Variants in NPC1 observed in about 807,000 individuals in gnomAD.
The protein encoded by NPC1 is Niemann-Pick C1 protein.
Under a neutral mutation model 140.4 loss-of-function variants are expected in NPC1, and 85 were observed. The observed-to-expected ratio is 0.61, with a 90% CI of 0.51 to 0.72. The LOEUF is 0.72. NPC1 is among the 30% of genes least tolerant of loss of function. The pLI is 0.00. For synonymous variants in NPC1, 656 were observed against 624.8 expected, an observed-to-expected ratio of 1.05 and a Z score of -0.74; for missense variants, 1,504 against 1,623.8, an observed-to-expected ratio of 0.93 and a Z score of 1.27.
chr18:23,544,334 G>T lies in NPC1; in HGVS notation c.2130+10C>A, dbSNP rs776389852. On this transcript the variant is annotated intron_variant, in intron 13 of 24. Coordinates refer to ENST00000269228, the MANE Select transcript of NPC1 (RefSeq NM_000271.5). ...CAGATGCTGAGCCCTGTGAGAATAT[G>T]GAAGTATACCTGGTAGGCCTGCACC... 3.7e-6 allele frequency: 6 copies of T among 1,613,438 alleles called. No homozygotes were observed. The highest frequency in any genetic ancestry group is 5.1e-6 in the Non-Finnish European group (6 of 1,179,622).
At chr18:23,550,768 G>A (rs1366759050) in intron 10 of NPC1, among the ~76,000 whole-genome samples, 1 of 152,092 alleles carries the variant, frequency 6.6e-6, no homozygotes, top group Non-Finnish European at 1.5e-5. Flanking sequence ...TTACAGGCGT[G>A]AGCCACCACG....
At position 23,556,615 on chromosome 18, in the gene NPC1, T is replaced by C. The variant is rs1473909084; in HGVS notation, c.956-2A>G. ...CAGGGTCACAGCAGGACGCCTCTCC[T>C]GGAAGAACGGGAGAGGAAGGGAAGG... On this transcript the variant is annotated splice_acceptor_variant, in intron 7 of 24. Coordinates refer to ENST00000269228, the MANE Select transcript of NPC1 (RefSeq NM_000271.5). LOFTEE classifies it high-confidence loss of function. 9 of 1,613,756 alleles carry C rather than the reference T, an allele frequency of 5.6e-6. No homozygotes were observed. Among genetic ancestry groups the C allele is most frequent in the Non-Finnish European group, 6.8e-6 (8 of 1,179,924 alleles).
chr18:23,518,746 C>A, downstream of NPC1: 1 of 652,276 alleles, frequency 1.5e-6, no homozygotes, highest in Non-Finnish European at 2.6e-6. Context: ...CTTTGAGTAA[C>A]TGCATGTTTC....
At chr18:23,567,689 C>T (rs2059145697) in intron 4 of NPC1, among the ~76,000 whole-genome samples, 1 of 152,172 alleles carries the variant, frequency 6.6e-6, no homozygotes, top group Non-Finnish European at 1.5e-5. Context: ...TTCTCTAAGG[C>T]AGGCATCTAT....
At chr18:23,555,274 G>A (rs545101688) in intron 8 of NPC1, among the ~76,000 whole-genome samples, 38 of 152,378 alleles carry the variant, frequency 2.5e-4, no homozygotes, top group African/African-American at 8.9e-4. Context: ...CCCCTCCACC[G>A]TTCTCCAGTG....
At chr18:23,544,028 C>G (rs940665437) in intron 13 of NPC1, among the ~76,000 whole-genome samples, 1 of 152,162 alleles carries the variant, frequency 6.6e-6, no homozygotes, top group African/African-American at 2.4e-5. Flanking sequence ...TACCCAAAAT[C>G]TTTTCCAAAA....
At chr18:23,535,969 T>G (rs1471790388) in intron 21 of NPC1, among the ~76,000 whole-genome samples, 3 of 152,056 alleles carry the variant, frequency 2.0e-5, no homozygotes. Context: ...TTTATAGACA[T>G]TTACAGAGAG....
chr18:23,515,940 G>A, intron 3 of NPC1: 3 of 1,614,152 alleles, frequency 1.9e-6, no homozygotes, highest in Non-Finnish European at 2.5e-6. Context: ...CGAGAGCGCC[G>A]TGATCTTGCT....
At chr18:23,522,365 A>G (rs1471274271) in exon 2 of NPC1, 1 of 152,180 alleles carries the variant, frequency 6.6e-6, no homozygotes, top group Admixed American at 6.5e-5. Flanking sequence ...AAAACTAAAC[A>G]TTTAGAACAA....
intron 3 of NPC1, chr18:23,516,353 A>G (rs2058004268): frequency 6.2e-7 from 1 of 1,614,204 alleles, no homozygotes; most frequent in Non-Finnish European, 8.5e-7. Flanking sequence ...CAAATTTGAG[A>G]TTGAATTACC....
chr18:23,516,480 T>G, intron 3 of NPC1: 1 of 1,562,262 alleles, frequency 6.4e-7, no homozygotes, highest in East Asian at 2.2e-5. Flanking sequence ...ATATAAATAA[T>G]AGAAGGAGTG....
chr18:23,572,006 G>A, intron 3 of NPC1, 68 bp downstream of exon 3: 1 of 876,684 alleles, frequency 1.1e-6, no homozygotes, highest in Admixed American at 1.9e-5. Context: ...AGAATAAATG[G>A]AAAGCTGAGC....
At chr18:23,506,932 C>A in intron 3 of NPC1, 2 of 1,392,622 alleles carry the variant, frequency 1.4e-6, no homozygotes, top group South Asian at 2.4e-5. Context: ...AGCTAGAATT[C>A]GGTTATTTAA....
At chr18:23,515,637 A>AT (rs1290875569) in intron 3 of NPC1, among the ~76,000 whole-genome samples, 11 of 152,074 alleles carry the variant, frequency 7.2e-5, no homozygotes, top group African/African-American at 2.7e-4. Flanking sequence ...CATTCAAGCA[A>AT]TTCTTGTGCC....
At chr18:23,546,131 C>A (rs112854329) in intron 11 of NPC1, among the ~76,000 whole-genome samples, 2,055 of 151,338 alleles carry the variant, frequency 0.014, 34 homozygotes, top group African/African-American at 0.048. Context: ...TGCCTGTAAT[C>A]CCAGCTACTT....
At chr18:23,516,868 A>C (rs1481006410) in intron 3 of NPC1, among the ~76,000 whole-genome samples, 1 of 150,836 alleles carries the variant, frequency 6.6e-6, no homozygotes, top group Non-Finnish European at 1.5e-5. Flanking sequence ...TGGGATTACA[A>C]GTGTGCGTCA....
In NPC1 at chr18:23,531,801, C is replaced by G; in HGVS notation, c.*401G>C. 1 of 1,528,376 alleles carries G rather than the reference C, an allele frequency of 6.5e-7. No individual in the cohort carries two copies. The highest frequency in any genetic ancestry group is 2.3e-5 in the East Asian group (1 of 43,170). The allele number at this position is 1,528,376 out of a possible 1,614,324, so 94.7% of individuals were successfully genotyped here. On this transcript the variant is annotated 3_prime_UTR_variant, in exon 25 of 25. Transcript: ENST00000269228. The stretch of plus-strand genomic sequence containing the variant: ...TATAAAATGTTATAAAGTGTATCTA[C>G]AACCTCAACTGTCACTAAAAATATG...
Position 23,506,564 on chromosome 18 carries a change from CA to C in NPC1, c.509del (p.Cys171ValfsTer3), listed in dbSNP as rs2057722339. Reference sequence around the variant, plus strand: ...ACATCTGTCTGAGGCGGTCATGAGACACTGTAGTGGAGCCATCTGGGTTGCA... The same window carrying C: ...ACATCTGTCTGAGGCGGTCATGAGACCTGTAGTGGAGCCATCTGGGTTGCA... On this transcript the variant is annotated frameshift_variant, in exon 4 of 4. Coordinates refer to the NPC1 transcript ENST00000591107. LOFTEE classifies it high-confidence loss of function. 1 of 189,664 alleles carries C rather than the reference CA, an allele frequency of 5.3e-6. No individual in the cohort carries two copies. Among genetic ancestry groups the C allele is most frequent in the African/African-American group, 2.4e-5 (1 of 41,678 alleles). The allele number at this position is 189,664 out of a possible 1,614,324, so 11.7% of individuals were successfully genotyped here.
chr18:23,548,390 A>G (rs971442479), intron 10 of NPC1, among the ~76,000 whole-genome samples: 29 of 151,350 alleles, frequency 1.9e-4, no homozygotes, highest in Admixed American at 1.3e-3. Flanking sequence ...AACAATTTCA[A>G]ACAGAACAGA....
Sources: allele counts gnomAD v4.1 joint callset (sites outside exome capture counted in the v4.1 genomes callset), GRCh38; gene constraint gnomAD v4.1.1; transcripts MANE v1.5; gene names NCBI Gene and HGNC (gene_info 2026-07-23, HGNC 2026-07-21).